Variants in MAD1L1 observed in about 807,000 individuals in gnomAD.
MAD1L1 encodes mitotic arrest deficient 1 like 1, also known as mitotic spindle assembly checkpoint protein MAD1.
A neutral mutation model predicts 96.9 loss-of-function variants in MAD1L1; 95 were observed. That is an observed-to-expected ratio of 0.98 (90% CI 0.83 to 1.16). The LOEUF (loss-of-function observed/expected upper bound fraction) is 1.16. Ranked by LOEUF, MAD1L1 falls within the 50% of genes most tolerant of loss-of-function variation. The pLI, the probability that MAD1L1 is intolerant of heterozygous loss-of-function variation, is 0.00. For missense variants in MAD1L1, 1,007 were observed against 954.4 expected, an observed-to-expected ratio of 1.06 and a Z score of -0.73; for synonymous variants, 473 against 396.6, an observed-to-expected ratio of 1.19 and a Z score of -2.29.
At chr7:1,902,504 G>A (rs145669896) in intron 17 of MAD1L1, among the ~76,000 whole-genome samples, 3 of 152,210 alleles carry the variant, frequency 2.0e-5, no homozygotes, top group African/African-American at 4.8e-5. Flanking sequence ...TTACTCCTTC[G>A]AGTGTTACGG....
chr7:1,939,086 CG>C (rs1778801095), intron 16 of MAD1L1, among the ~76,000 whole-genome samples: 1 of 141,812 alleles, frequency 7.1e-6, no homozygotes, highest in African/African-American at 2.7e-5. Context: ...GGACCAGAGG[CG>C]CGCACACACA....
chr7:1,823,357 C>T (rs1339891901), intron 18 of MAD1L1, among the ~76,000 whole-genome samples: 1 of 152,122 alleles, frequency 6.6e-6, no homozygotes, highest in Non-Finnish European at 1.5e-5. Context: ...ACACTCAACA[C>T]CAAAGCACAA....
At chr7:2,210,427 C>T (rs1234326035) in intron 10 of MAD1L1, among the ~76,000 whole-genome samples, 54 of 140,092 alleles carry the variant, frequency 3.9e-4, no homozygotes, top group Non-Finnish European at 1.3e-4. Flanking sequence ...TATTCGGGAC[C>T]GCCAGCCCGC....
chr7:1,891,567 TACA>T (rs1786541662), intron 18 of MAD1L1, among the ~76,000 whole-genome samples: 1 of 151,838 alleles, frequency 6.6e-6, no homozygotes, highest in Non-Finnish European at 1.5e-5. Flanking sequence ...CTCAAAAAGT[TACA>T]ACAAACTTTA....
At chr7:2,225,347 C>A in intron 4 of MAD1L1, 63 bp downstream of exon 4, 1 of 1,584,656 alleles carries the variant, frequency 6.3e-7, no homozygotes, top group Non-Finnish European at 8.6e-7. Context: ...CTGGCAGGTA[C>A]CGTGCACAGC....
At chr7:1,914,605 C>T (rs944757041) in intron 17 of MAD1L1, among the ~76,000 whole-genome samples, 2 of 152,222 alleles carry the variant, frequency 1.3e-5, no homozygotes. Flanking sequence ...GAGATCACAT[C>T]GTGTTGAGTT....
chr7:2,044,415 C>A (rs1348155909), intron 12 of MAD1L1, among the ~76,000 whole-genome samples: 1 of 152,176 alleles, frequency 6.6e-6, no homozygotes, highest in Non-Finnish European at 1.5e-5. Context: ...GTGTGAGAGG[C>A]CAAAGAGAAG....
At chr7:2,059,618 A>T (rs1425778763) in intron 12 of MAD1L1, among the ~76,000 whole-genome samples, 1 of 139,528 alleles carries the variant, frequency 7.2e-6, no homozygotes, top group Non-Finnish European at 1.5e-5. Context: ...AAGCGTGGCC[A>T]GGGGAGAGGA....
At chr7:2,085,176 C>T (rs373521281) in intron 11 of MAD1L1, among the ~76,000 whole-genome samples, 1 of 152,244 alleles carries the variant, frequency 6.6e-6, no homozygotes, top group Non-Finnish European at 1.5e-5. Context: ...CGTAACTCCA[C>T]GCTCACCTCA....
At chr7:2,111,320 G>A (rs1787368741) in intron 11 of MAD1L1, among the ~76,000 whole-genome samples, 1 of 152,212 alleles carries the variant, frequency 6.6e-6, no homozygotes, top group Non-Finnish European at 1.5e-5. Flanking sequence ...TGGCTGCCCA[G>A]CCCCCAGTCC....
At chr7:1,838,173 A>C (rs1783036952) in intron 18 of MAD1L1, among the ~76,000 whole-genome samples, 1 of 152,328 alleles carries the variant, frequency 6.6e-6, no homozygotes, top group South Asian at 2.1e-4. Context: ...CGGACCCTCT[A>C]ACCCAGCGGC....
chr7:2,018,955 A>C (rs2128500246), intron 12 of MAD1L1, among the ~76,000 whole-genome samples: 1 of 152,248 alleles, frequency 6.6e-6, no homozygotes, highest in Non-Finnish European at 1.5e-5. Context: ...CCCAACTCTG[A>C]GTCACTCCAC....
At chr7:2,050,611 T>C (rs527637714) in intron 12 of MAD1L1, among the ~76,000 whole-genome samples, 36 of 152,268 alleles carry the variant, frequency 2.4e-4, no homozygotes, top group Middle Eastern at 3.4e-3. Flanking sequence ...CCCAGGACCA[T>C]GGACACAGGG....
intron 16 of MAD1L1, among the ~76,000 whole-genome samples, 189 bp from the exon 17 acceptor site, chr7:1,937,086 G>C (rs1291656232): frequency 6.6e-6 from 1 of 152,180 alleles, no homozygotes; most frequent in African/African-American, 2.4e-5. Context: ...CTCCTTCCCT[G>C]TGCCCTGTGG....
At chr7:2,158,189 G>A (rs1418505057) in intron 10 of MAD1L1, among the ~76,000 whole-genome samples, 3 of 152,346 alleles carry the variant, frequency 2.0e-5, no homozygotes, top group Non-Finnish European at 4.4e-5. Flanking sequence ...CCAGCTGCAC[G>A]CAGAGCAGCA....
intron 11 of MAD1L1, among the ~76,000 whole-genome samples, chr7:2,096,360 G>A (rs1786490124): frequency 6.6e-6 from 1 of 152,194 alleles, no homozygotes. Flanking sequence ...ACATCTGGGG[G>A]TGGCGGGGCT....
intron 17 of MAD1L1, among the ~76,000 whole-genome samples, chr7:1,912,848 C>T (rs957099687): frequency 1.3e-5 from 2 of 152,226 alleles, no homozygotes; most frequent in Non-Finnish European, 2.9e-5. Context: ...ACATGCCCAG[C>T]AGCTGGTCCG....
intron 16 of MAD1L1, among the ~76,000 whole-genome samples, chr7:1,946,291 G>A (rs769182092): frequency 5.9e-5 from 9 of 152,096 alleles, no homozygotes; most frequent in Non-Finnish European, 1.2e-4. Context: ...CCCCGGCCCC[G>A]TGCACCCCAC....
chr7:1,958,533 G>T (rs1779822178), intron 15 of MAD1L1, among the ~76,000 whole-genome samples: 1 of 152,162 alleles, frequency 6.6e-6, no homozygotes, highest in Non-Finnish European at 1.5e-5. Context: ...ACAACAGCAA[G>T]ACCCGAGGAA....
Sources: allele counts gnomAD v4.1 joint callset (sites outside exome capture counted in the v4.1 genomes callset), GRCh38; gene constraint gnomAD v4.1.1; transcripts MANE v1.5; gene names NCBI Gene and HGNC (gene_info 2026-07-23, HGNC 2026-07-21).